The following CCDC102B variants were observed in gnomAD, a reference collection of about 807,000 sequenced individuals.
CCDC102B encodes the protein coiled-coil domain-containing protein 102B.
CCDC102B carries 75 observed loss-of-function variants against 57.4 expected under a neutral mutation model. The ratio of observed to expected loss-of-function variants is 1.31; its 90% CI spans 1.08 to 1.58. CCDC102B has a LOEUF of 1.58. CCDC102B is among the 40% of genes most tolerant of loss of function. The pLI, the probability that CCDC102B is intolerant of heterozygous loss-of-function variation, is 0.00. For synonymous variants in CCDC102B, 206 were observed against 201.9 expected, an observed-to-expected ratio of 1.02 and a Z score of -0.17; for missense variants, 636 against 582.6, an observed-to-expected ratio of 1.09 and a Z score of -0.94.
At chr18:68,779,158 A>G (rs1322356150) in intron 2 of CCDC102B, among the ~76,000 whole-genome samples, 2 of 152,028 alleles carry the variant, frequency 1.3e-5, no homozygotes, top group African/African-American at 2.4e-5. Context: ...AAAAATAAAA[A>G]TGCCCAAAAT....
At chr18:68,831,029 G>T (rs1265238013) in intron 1 of CCDC102B, among the ~76,000 whole-genome samples, 1 of 151,822 alleles carries the variant, frequency 6.6e-6, no homozygotes, top group Non-Finnish European at 1.5e-5. Flanking sequence ...AGTCACACTG[G>T]TCACTTTTTT....
chr18:68,945,317 A>G (rs2145181385), intron 6 of CCDC102B, among the ~76,000 whole-genome samples: 1 of 152,286 alleles, frequency 6.6e-6, no homozygotes, highest in Non-Finnish European at 1.5e-5. Flanking sequence ...AATCATCTGC[A>G]TTGTAAGTTC....
intron 4 of CCDC102B, among the ~76,000 whole-genome samples, chr18:68,862,791 AG>A (rs2038817659): frequency 6.6e-6 from 1 of 152,048 alleles, no homozygotes; most frequent in African/African-American, 2.4e-5. Context: ...ACTTTTTAAA[AG>A]GTTTTATTAT....
chr18:68,744,211 G>A (rs149684413), intron 2 of CCDC102B, among the ~76,000 whole-genome samples: 130 of 152,290 alleles, frequency 8.5e-4, no homozygotes, highest in Middle Eastern at 3.4e-3. Flanking sequence ...GACACAGTTT[G>A]GATAGGAAAT....
At chr18:68,715,274 T>G in exon 1 of CCDC102B, 6 of 1,287,670 alleles carry the variant, frequency 4.7e-6, no homozygotes, top group Non-Finnish European at 5.9e-6. Context: ...GAACCCTGCT[T>G]AAGGGCTTTA....
exon 1 of CCDC102B, chr18:68,715,260 G>T (rs78924743): frequency 7.5e-6 from 10 of 1,328,768 alleles, no homozygotes; most frequent in Non-Finnish European, 9.6e-6. Flanking sequence ...GCCCAGGAGC[G>T]TGGGAACCCT....
chr18:68,742,947 A>G (rs763664324), intron 2 of CCDC102B, among the ~76,000 whole-genome samples: 6 of 152,156 alleles, frequency 3.9e-5, no homozygotes, highest in Non-Finnish European at 5.9e-5. Flanking sequence ...TTTGGCCAAG[A>G]TAATGGTAAT....
intron 4 of CCDC102B, among the ~76,000 whole-genome samples, chr18:68,867,450 T>G (rs1408011580): frequency 6.6e-6 from 1 of 152,190 alleles, no homozygotes; most frequent in East Asian, 1.9e-4. Flanking sequence ...CAGTGGAAAC[T>G]GCCAGCTCTG....
At chr18:68,746,680 A>G (rs1307787305) in intron 2 of CCDC102B, among the ~76,000 whole-genome samples, 3 of 151,962 alleles carry the variant, frequency 2.0e-5, no homozygotes, top group African/African-American at 7.2e-5. Flanking sequence ...CTAAATTAGT[A>G]ATTTTTCTTT....
intron 6 of CCDC102B, among the ~76,000 whole-genome samples, chr18:68,918,383 CT>C (rs1376299573): frequency 6.6e-6 from 1 of 152,114 alleles, no homozygotes; most frequent in Admixed American, 6.6e-5. Context: ...GAGTTACCTC[CT>C]ATGGTTATGG....
rs371719403 is a variant in CCDC102B, at chr18:68,945,091, C to CCTCT, written c.1263+47678_1263+47681dup. Among the ~76,000 whole-genome samples, 305 of 143,132 alleles carry CCTCT rather than the reference C, an allele frequency of 2.1e-3. 2 individuals are homozygous for CCTCT. The highest frequency in any genetic ancestry group is 8.1e-3 in the East Asian group (39 of 4,810). The allele number at this position is 143,132 out of a possible 152,430, so 93.9% of individuals were successfully genotyped here. A position where few individuals can be genotyped will look rare whatever the true frequency, so the allele number is the denominator to read the frequency against. On this transcript the variant is annotated intron_variant, in intron 6 of 7. Transcript: ENST00000360242. ...GTGTGTGTGTGTGTCTCTCTCTCTGCCTCTCTCTCTCTCTCTCTGTCTCTC... is the reference window on the plus strand; with the variant it reads ...GTGTGTGTGTGTGTCTCTCTCTCTGCCTCTCTCTCTCTCTCTCTCTCTGTCTCTC...
At chr18:68,958,769 A>C (rs2049972624) in intron 6 of CCDC102B, among the ~76,000 whole-genome samples, 1 of 151,886 alleles carries the variant, frequency 6.6e-6, no homozygotes, top group South Asian at 2.1e-4. Context: ...TGTTTGTTCA[A>C]CTCTGCTGTT....
At chr18:68,781,216 C>T (rs1425537378) in intron 2 of CCDC102B, among the ~76,000 whole-genome samples, 2 of 152,074 alleles carry the variant, frequency 1.3e-5, no homozygotes, top group South Asian at 2.1e-4. Context: ...CTTCTTTGTG[C>T]ATATTTATAT....
intron 6 of CCDC102B, among the ~76,000 whole-genome samples, chr18:69,007,052 CCTGGGAAGCAT>C (rs2051370755): frequency 6.6e-6 from 1 of 152,058 alleles, no homozygotes; most frequent in Admixed American, 6.6e-5. Flanking sequence ...AGTGTAGGTA[CCTGGGAAGCAT>C]TAATGCCTTT....
chr18:68,871,584 A>T (rs1161687228), intron 4 of CCDC102B, among the ~76,000 whole-genome samples: 2 of 152,058 alleles, frequency 1.3e-5, no homozygotes, highest in African/African-American at 4.8e-5. Flanking sequence ...TTTCCCTGCT[A>T]TATTGTTTTA....
intron 6 of CCDC102B, among the ~76,000 whole-genome samples, chr18:68,951,610 C>T (rs922744997): frequency 9.2e-5 from 14 of 151,938 alleles, no homozygotes; most frequent in Non-Finnish European, 1.5e-4. Context: ...GGGTTTGAGA[C>T]CATCCTGGCC....
At chr18:68,942,627 A>G (rs917266529) in intron 6 of CCDC102B, among the ~76,000 whole-genome samples, 3 of 152,068 alleles carry the variant, frequency 2.0e-5, no homozygotes, top group Non-Finnish European at 2.9e-5. Context: ...AAAGAGCAGT[A>G]TTGCCTCCAG....
rs370001827 is a variant in CCDC102B, at chr18:68,748,790, A to G, written c.-67+32196A>G. Among the ~76,000 whole-genome samples, 20 of 152,308 alleles carry G rather than the reference A, an allele frequency of 1.3e-4. No homozygotes were observed. The East Asian group carries it at 3.9e-3, about 29-fold the overall frequency. On this transcript the variant is annotated intron_variant, in intron 2 of 3. Transcript: ENST00000578970. ...AAATTATTTATGTAGTAAAAGTATA[A>G]CAACATGCGTAGGATGATAAACTCC...
At chr18:68,856,706 A>G (rs554227540) in intron 4 of CCDC102B, among the ~76,000 whole-genome samples, 143 of 152,236 alleles carry the variant, frequency 9.4e-4, no homozygotes, top group Non-Finnish European at 1.7e-3. Flanking sequence ...CGAAGTTTAA[A>G]AAGTTTGTAA....
Sources: allele counts gnomAD v4.1 joint callset (sites outside exome capture counted in the v4.1 genomes callset), GRCh38; gene constraint gnomAD v4.1.1; transcripts MANE v1.5; gene names NCBI Gene and HGNC (gene_info 2026-07-23, HGNC 2026-07-21).